Variants in RBPJ observed in about 807,000 individuals in gnomAD.
The protein encoded by RBPJ is recombination signal binding protein for immunoglobulin kappa J region.
RBPJ carries 9 observed loss-of-function variants against 67.8 expected under a neutral mutation model. That is an observed-to-expected ratio of 0.13 (90% CI 0.08 to 0.23). RBPJ has a LOEUF of 0.23. Among genes scored for constraint, RBPJ ranks in the 10% least tolerant of loss-of-function variants. The pLI, the probability that RBPJ is intolerant of heterozygous loss-of-function variation, is 1.00. For synonymous variants in RBPJ, 198 were observed against 203.3 expected (o/e 0.97, Z 0.22); for missense variants, 305 against 595.6 (o/e 0.51, Z 5.08).
At chr4:26,222,633 AATATATATATAT>A (rs10673072) in intron 1 of RBPJ, among the ~76,000 whole-genome samples, 1 of 135,926 alleles carries the variant, frequency 7.4e-6, no homozygotes, top group Non-Finnish European at 1.6e-5. Flanking sequence ...TGTACTCTGA[AATATATATATAT>A]ATATATATAT....
chr4:26,173,192 GTGGTACGA>G lies in RBPJ; in HGVS notation c.-167+9580_-167+9587del. Among the ~76,000 whole-genome samples the G allele has an allele frequency of 2.0e-5, 3 of 152,262 alleles. No individual in the cohort carries two copies. The South Asian group carries it at 6.2e-4, about 32-fold the overall frequency. On this transcript the variant is annotated intron_variant, in intron 1 of 4. Transcript: ENST00000512351. ...GCTCTGTTGCCCAGGCTGGAGTGCA[GTGGTACGA>G]TCTCGGCTCACTGCAACCTCCATCT...
In RBPJ at chr4:26,433,145, C is replaced by T. The variant is rs1280366674; in HGVS notation, c.*2138C>T. On this transcript the variant is annotated 3_prime_UTR_variant, in exon 11 of 11. Coordinates refer to ENST00000355476, the MANE Select transcript of RBPJ (RefSeq NM_015874.6). Reference sequence around the variant, plus strand: ...ACTCACTTCTCTCTTATAAGCTAATCCTGCCTCACACCTTAAATCTGTTTC... The same window carrying T: ...ACTCACTTCTCTCTTATAAGCTAATTCTGCCTCACACCTTAAATCTGTTTC... 1 of 152,180 alleles carries T rather than the reference C, an allele frequency of 6.6e-6. No individual in the cohort carries two copies. Among genetic ancestry groups the T allele is most frequent in the African/African-American group, 2.4e-5 (1 of 41,434 alleles). 9.4% of individuals were successfully genotyped at this position (152,180 alleles called of 1,614,324 possible).
chr4:26,171,456 T>A (rs1248216015), intron 1 of RBPJ, among the ~76,000 whole-genome samples: 2 of 152,168 alleles, frequency 1.3e-5, no homozygotes, highest in African/African-American at 4.8e-5. Context: ...TAGTCCCAGC[T>A]ACTTGAGAGG....
At chr4:26,364,786 C>T (rs550719746) in intron 1 of RBPJ, among the ~76,000 whole-genome samples, 43 of 151,850 alleles carry the variant, frequency 2.8e-4, no homozygotes, top group Non-Finnish European at 5.9e-4. Flanking sequence ...CCACCATGCC[C>T]AGCTAATTTT....
At chr4:26,124,461 T>TATATATATATATATAC in the RBPJ span, among the ~76,000 whole-genome samples, 1 of 121,328 alleles carries the variant, frequency 8.2e-6, no homozygotes, top group African/African-American at 3.1e-5. Flanking sequence ...TATATATATA[T>TATATATATATATATAC]ACCAGTTTCT....
At chr4:26,293,012 A>G (rs1443427941) in intron 1 of RBPJ, among the ~76,000 whole-genome samples, 2 of 150,452 alleles carry the variant, frequency 1.3e-5, no homozygotes, top group Non-Finnish European at 3.0e-5. Flanking sequence ...TAGATAGCAT[A>G]TTTGGATCTG....
At chr4:26,339,781 A>G (rs1432199225) in intron 1 of RBPJ, among the ~76,000 whole-genome samples, 1 of 152,200 alleles carries the variant, frequency 6.6e-6, no homozygotes, top group Non-Finnish European at 1.5e-5. Flanking sequence ...GTACTTTGGG[A>G]GACCAAGGTG....
chr4:26,373,464 C>T (rs1196416427), intron 1 of RBPJ, among the ~76,000 whole-genome samples: 2 of 151,794 alleles, frequency 1.3e-5, no homozygotes, highest in African/African-American at 2.4e-5. Context: ...GAAAGATGCA[C>T]TGCTGGATTC....
the RBPJ span, among the ~76,000 whole-genome samples, chr4:26,154,341 G>T: frequency 6.6e-6 from 1 of 152,174 alleles, no homozygotes; most frequent in Non-Finnish European, 1.5e-5. Flanking sequence ...GTAATTCAGG[G>T]TATAAAAGGC....
At chr4:26,134,609 T>G in the RBPJ span, among the ~76,000 whole-genome samples, 4 of 152,218 alleles carry the variant, frequency 2.6e-5, no homozygotes, top group Non-Finnish European at 4.4e-5. Flanking sequence ...TCCCAGTGCT[T>G]CCCTAGCCCA....
In RBPJ at chr4:26,208,101, G is replaced by A. The variant is rs956796378; in HGVS notation, c.-167+44487G>A. 2.6e-5 allele frequency among the ~76,000 whole-genome samples: 4 copies of A among 152,196 alleles called. No individual in the cohort carries two copies. In the East Asian group the frequency reaches 5.8e-4, roughly 22 times the overall value. ...GATCTGGCAGGACTGGGCTTCAAGC[G>A]CAACAGAATAATAGCAACAGTGTTT... On this transcript the variant is annotated intron_variant, in intron 1 of 4. Transcript: ENST00000512351.
At chr4:26,110,828 G>A in the RBPJ span, among the ~76,000 whole-genome samples, 1 of 152,178 alleles carries the variant, frequency 6.6e-6, no homozygotes, top group African/African-American at 2.4e-5. This position sits in a 1 kb window ranked among gnomAD's most constrained non-coding sequence, Gnocchi z 4.5. Flanking sequence ...CTCAGCCCTG[G>A]AGTCAGTGGA....
In RBPJ at chr4:26,167,098, A is replaced by C. The variant is rs1312627488; in HGVS notation, c.-167+3484A>C. ...ATAGCTCTGTTTTGGTACCAGTACC[A>C]TGCTGTTTTGGTTACTGTAGCCTTG... On this transcript the variant is annotated intron_variant, in intron 1 of 4. Transcript: ENST00000512351. 4.6e-5 allele frequency among the ~76,000 whole-genome samples: 7 copies of C among 152,028 alleles called. No homozygotes were observed. The East Asian group carries it at 1.4e-3, about 29-fold the overall frequency.
intron 1 of RBPJ, among the ~76,000 whole-genome samples, chr4:26,216,420 G>A (rs1026727832): frequency 2.0e-5 from 3 of 152,116 alleles, no homozygotes; most frequent in Admixed American, 6.6e-5. Flanking sequence ...GTGAAGGACA[G>A]AGGGAAAGCT....
At chr4:26,383,166 G>A (rs893556766) in intron 1 of RBPJ, among the ~76,000 whole-genome samples, 16 of 152,180 alleles carry the variant, frequency 1.1e-4, no homozygotes, top group African/African-American at 3.9e-4. Flanking sequence ...CATATTTTCT[G>A]TGGGGCAGGA....
chr4:26,220,812 G>A (rs960523677), intron 1 of RBPJ, among the ~76,000 whole-genome samples: 2 of 152,240 alleles, frequency 1.3e-5, no homozygotes, highest in African/African-American at 4.8e-5. Flanking sequence ...CCAGGGCTAA[G>A]GGACAGAGCC....
At position 26,269,239 on chromosome 4, in the gene RBPJ, A is replaced by ATTATTTAT. The variant is rs372091669; in HGVS notation, c.-166-93184_-166-93177dup. Among the ~76,000 whole-genome samples, 724 of 148,956 alleles carry ATTATTTAT rather than the reference A, an allele frequency of 4.9e-3. 5 individuals are homozygous for ATTATTTAT. The highest frequency in any genetic ancestry group is 0.017 in the African/African-American group (673 of 40,532). On this transcript the variant is annotated intron_variant, in intron 1 of 4. Transcript: ENST00000512351. ...TATTTATTTATTTAATTTATTTTTT[A>ATTATTTAT]TTATTTATTTATTTATTTATTTATT... is the stretch of plus-strand genomic sequence containing the variant.
At chr4:26,346,130 T>C (rs533019135) in intron 1 of RBPJ, among the ~76,000 whole-genome samples, 3 of 152,128 alleles carry the variant, frequency 2.0e-5, no homozygotes, top group African/African-American at 4.8e-5. Context: ...GAGTAAATAC[T>C]TGGGGGTTCA....
intron 1 of RBPJ, among the ~76,000 whole-genome samples, chr4:26,167,192 G>T (rs980553995): frequency 6.6e-6 from 1 of 151,858 alleles, no homozygotes; most frequent in Non-Finnish European, 1.5e-5. Context: ...TTGACTTGGC[G>T]ATGCAGGCTC....
Sources: gnomAD v4.1 joint callset for allele counts (sites outside exome capture counted in the v4.1 genomes callset) on GRCh38, gnomAD v4.1.1 for gene constraint, Gnocchi (gnomAD v3.1) non-coding constraint, MANE v1.5 for transcripts, NCBI Gene and HGNC (gene_info 2026-07-23, HGNC 2026-07-21) for gene names.